COL19A1: variants seen among roughly 807,000 people sequenced by gnomAD.
COL19A1 encodes collagen type XIX alpha 1 chain, also known as collagen alpha-1(XIX) chain.
In COL19A1, 159 loss-of-function variants were observed where a neutral mutation model predicts 190.2. The observed-to-expected ratio is 0.84, with a 90% CI of 0.73 to 0.95. The LOEUF is 0.95. Ranked by LOEUF, COL19A1 falls within the 40% of genes least tolerant of loss-of-function variation. The probability of loss-of-function intolerance (pLI) is 0.00; values close to 1 mark genes in which losing one functional copy is unlikely to be tolerated. For missense variants in COL19A1, 1,418 were observed against 1,431.9 expected (o/e 0.99, Z 0.16); for synonymous variants, 509 against 458.9 (o/e 1.11, Z -1.39).
intron 14 of COL19A1, among the ~76,000 whole-genome samples, chr6:70,061,447 T>C (rs1233630110): frequency 6.6e-6 from 1 of 152,024 alleles, no homozygotes; most frequent in Non-Finnish European, 1.5e-5. Flanking sequence ...AGAGTCATGG[T>C]AACATCTAGG....
chr6:70,133,615 G>A (rs1372482368), intron 18 of COL19A1, among the ~76,000 whole-genome samples: 1 of 152,206 alleles, frequency 6.6e-6, no homozygotes, highest in African/African-American at 2.4e-5. Context: ...AATAGCAGGT[G>A]TCTTGTGAGG....
At chr6:70,045,409 G>A (rs1779857891) in intron 14 of COL19A1, among the ~76,000 whole-genome samples, 1 of 151,852 alleles carries the variant, frequency 6.6e-6, no homozygotes, top group Non-Finnish European at 1.5e-5. Flanking sequence ...CTTAGAATGG[G>A]TTATGTTTTG....
At chr6:70,038,368 C>T (rs143442424) in intron 14 of COL19A1, among the ~76,000 whole-genome samples, 1 of 152,320 alleles carries the variant, frequency 6.6e-6, no homozygotes, top group Admixed American at 6.5e-5. Context: ...TCTAAATATG[C>T]AGCAAGAGTT....
intron 37 of COL19A1, among the ~76,000 whole-genome samples, chr6:70,166,498 C>G (rs1765168592): frequency 6.6e-6 from 1 of 152,248 alleles, no homozygotes; most frequent in South Asian, 2.1e-4. Flanking sequence ...CAGATGCACG[C>G]TCCGTCAGGG....
intron 16 of COL19A1, among the ~76,000 whole-genome samples, chr6:70,106,999 T>C (rs1333203254): frequency 6.6e-6 from 1 of 152,230 alleles, no homozygotes; most frequent in African/African-American, 2.4e-5. Context: ...CTGCATTAAG[T>C]ACTGTATTTC....
chr6:69,966,073 C>A (rs1451402661), intron 11 of COL19A1, among the ~76,000 whole-genome samples: 1 of 152,216 alleles, frequency 6.6e-6, no homozygotes, highest in Non-Finnish European at 1.5e-5. Flanking sequence ...GCAATGATTT[C>A]ATCAAACTCT....
chr6:70,167,938 A>C, intron 37 of COL19A1, 87 bp from the exon 38 acceptor site: 1 of 959,380 alleles, frequency 1.0e-6, no homozygotes, highest in Non-Finnish European at 1.6e-6. Flanking sequence ...ATAGAATAGG[A>C]ATAGTATCAT....
chr6:69,949,853 A>G (rs1256399259), intron 9 of COL19A1, among the ~76,000 whole-genome samples: 1 of 151,874 alleles, frequency 6.6e-6, no homozygotes, highest in Admixed American at 6.6e-5. Flanking sequence ...ATAAATAACT[A>G]GGTTGAATTG....
At chr6:69,984,853 C>T (rs59845114) in intron 11 of COL19A1, among the ~76,000 whole-genome samples, 2,410 of 152,220 alleles carry the variant, frequency 0.016, 69 homozygotes, top group African/African-American at 0.052. Flanking sequence ...TTGAATGTTG[C>T]TCGGGAGTTA....
chr6:70,096,683 C>T (rs1213641932), intron 15 of COL19A1, among the ~76,000 whole-genome samples: 2 of 152,162 alleles, frequency 1.3e-5, no homozygotes, highest in East Asian at 1.9e-4. Context: ...AAATTGAATT[C>T]TTTTGTTCTG....
chr6:69,996,938 GTA>G (rs141098743), intron 11 of COL19A1, among the ~76,000 whole-genome samples: 17 of 143,430 alleles, frequency 1.2e-4, no homozygotes, highest in East Asian at 9.9e-4. Context: ...GTGTGTGTGT[GTA>G]TATATATGTA....
At chr6:70,040,260 T>C (rs979021763) in intron 14 of COL19A1, among the ~76,000 whole-genome samples, 1 of 152,172 alleles carries the variant, frequency 6.6e-6, no homozygotes, top group African/African-American at 2.4e-5. Flanking sequence ...TATAATTGGG[T>C]CTCAGTGGAA....
chr6:70,058,114 T>G (rs897347146), intron 14 of COL19A1, among the ~76,000 whole-genome samples: 36 of 152,052 alleles, frequency 2.4e-4, no homozygotes, highest in African/African-American at 8.7e-4. Flanking sequence ...TTTATTGGCT[T>G]AAACAATAGC....
chr6:70,167,079 A>C (rs1023879135), intron 37 of COL19A1, among the ~76,000 whole-genome samples: 1 of 152,220 alleles, frequency 6.6e-6, no homozygotes, highest in South Asian at 2.1e-4. Context: ...GACGTAGCAC[A>C]CTAAAATATG....
chr6:69,974,631 ATTAATG>A (rs1298524291), intron 11 of COL19A1, among the ~76,000 whole-genome samples: 1 of 152,148 alleles, frequency 6.6e-6, no homozygotes, highest in Non-Finnish European at 1.5e-5. Flanking sequence ...CACCATTATC[ATTAATG>A]TTTATAACAG....
At chr6:70,147,834 G>T (rs1018517639) in intron 27 of COL19A1, among the ~76,000 whole-genome samples, 3 of 152,126 alleles carry the variant, frequency 2.0e-5, no homozygotes, top group African/African-American at 7.2e-5. Context: ...CATGACTTCT[G>T]TCCAACCAGC....
chr6:70,000,000 A>T (rs1200515966), intron 11 of COL19A1, among the ~76,000 whole-genome samples: 2 of 151,280 alleles, frequency 1.3e-5, no homozygotes, highest in Non-Finnish European at 3.0e-5. Flanking sequence ...ACATCCTTTA[A>T]GTTCCCTCCC....
chr6:69,903,590 G>T (rs1217286375), intron 4 of COL19A1, among the ~76,000 whole-genome samples: 1 of 152,178 alleles, frequency 6.6e-6, no homozygotes, highest in African/African-American at 2.4e-5. Context: ...CAGTCCGGGG[G>T]GTTGTTATCC....
intron 48 of COL19A1, among the ~76,000 whole-genome samples, chr6:70,195,136 GATATATAT>G (rs202055762): frequency 1.8e-4 from 25 of 136,018 alleles, no homozygotes; most frequent in Middle Eastern, 3.8e-3. Flanking sequence ...CATCATTGAT[GATATATAT>G]ATATATATAT....
Sources: allele counts gnomAD v4.1 joint callset (sites outside exome capture counted in the v4.1 genomes callset), GRCh38; gene constraint gnomAD v4.1.1; transcripts MANE v1.5; gene names NCBI Gene and HGNC (gene_info 2026-07-23, HGNC 2026-07-21).